BTBD1: variants seen among roughly 807,000 people sequenced by gnomAD.
BTBD1 encodes the protein BTB/POZ domain-containing protein 1.
In BTBD1, 34 loss-of-function variants were observed where a neutral mutation model predicts 48.0. That is an observed-to-expected ratio of 0.71 (90% CI 0.54 to 0.94). BTBD1 has a LOEUF of 0.94. BTBD1 is among the 40% of genes least tolerant of loss of function. BTBD1 has a pLI of 0.00. For missense variants in BTBD1, 543 were observed against 625.6 expected, an observed-to-expected ratio of 0.87 and a Z score of 1.41; for synonymous variants, 261 against 242.1, an observed-to-expected ratio of 1.08 and a Z score of -0.72.
At chr15:83,021,266 T>C (rs1264879484) in intron 5 of BTBD1, among the ~76,000 whole-genome samples, 1 of 152,156 alleles carries the variant, frequency 6.6e-6, no homozygotes, top group Non-Finnish European at 1.5e-5. Flanking sequence ...AATAAATAAA[T>C]AATTACAAAT....
intron 1 of BTBD1, among the ~76,000 whole-genome samples, chr15:83,063,934 T>C (rs1431225111): frequency 6.6e-6 from 1 of 152,240 alleles, no homozygotes; most frequent in Non-Finnish European, 1.5e-5. Flanking sequence ...TACTAGATTA[T>C]GTGCTTCATG....
chr15:83,065,877 A>G (rs1482068487), intron 1 of BTBD1, among the ~76,000 whole-genome samples: 1 of 152,222 alleles, frequency 6.6e-6, no homozygotes, highest in Non-Finnish European at 1.5e-5. Flanking sequence ...GGAGGGATTC[A>G]TTTATAAGCA....
intron 2 of BTBD1, among the ~76,000 whole-genome samples, chr15:83,050,647 A>G (rs2032964759): frequency 6.6e-6 from 1 of 152,126 alleles, no homozygotes; most frequent in South Asian, 2.1e-4. Context: ...ACTAATTATA[A>G]TATCAATTGT....
rs1009252367 is a variant in BTBD1 at position 83,044,527 on chromosome 15, T to C, written c.665-2602A>G. ...ACTTGTGATGGCAAAAACCTCACCATAAAAACCGAGAGCACTTTGAAAACA... is the reference window on the plus strand; with the variant it reads ...ACTTGTGATGGCAAAAACCTCACCACAAAAACCGAGAGCACTTTGAAAACA... On this transcript the variant is annotated intron_variant, in intron 3 of 7. Coordinates refer to ENST00000261721, the MANE Select transcript of BTBD1 (RefSeq NM_025238.4). 6.3e-6 allele frequency: 10 copies of C among 1,591,398 alleles called. No homozygotes were observed. In the African/African-American group the frequency reaches 8.1e-5, roughly 13 times the overall value.
At chr15:83,030,499 A>G in intron 4 of BTBD1, 171 bp from the exon 5 acceptor site, 1 of 588,534 alleles carries the variant, frequency 1.7e-6, no homozygotes, top group Non-Finnish European at 3.0e-6. Flanking sequence ...AATCCATTTG[A>G]GGTTAAACAC....
intron 3 of BTBD1, among the ~76,000 whole-genome samples, chr15:83,049,539 A>G (rs2032938391): frequency 6.6e-6 from 1 of 152,106 alleles, no homozygotes; most frequent in East Asian, 1.9e-4. Context: ...TACTTTCTAC[A>G]TATCTAATTT....
At chr15:83,049,997 C>A in intron 3 of BTBD1, 76 bp downstream of exon 3, 2 of 804,558 alleles carry the variant, frequency 2.5e-6, no homozygotes, top group South Asian at 2.0e-5. Context: ...TAAAAATAGC[C>A]CCTTCTCCAA....
At chr15:83,046,332 A>T (rs74362141) in intron 3 of BTBD1, among the ~76,000 whole-genome samples, 1 of 152,252 alleles carries the variant, frequency 6.6e-6, no homozygotes, top group African/African-American at 2.4e-5. Flanking sequence ...TCTATGGGGT[A>T]GAAAGACAAA....
chr15:83,043,565 G>T (rs2032809875), intron 3 of BTBD1, among the ~76,000 whole-genome samples: 1 of 152,164 alleles, frequency 6.6e-6, no homozygotes, highest in Non-Finnish European at 1.5e-5. Context: ...CATCGATCCA[G>T]GTCAGGGATG....
chr15:83,026,517 C>CTTT (rs563990083), intron 5 of BTBD1, among the ~76,000 whole-genome samples: 47 of 88,264 alleles, frequency 5.3e-4, no homozygotes, highest in East Asian at 1.1e-3. Context: ...TTTTTTAGTG[C>CTTT]TTTTTTTTTT....
intron 6 of BTBD1, among the ~76,000 whole-genome samples, chr15:83,019,881 A>G (rs62010164): frequency 0.19 from 28,681 of 148,006 alleles, 2,955 homozygotes; most frequent in Non-Finnish European, 0.22. Context: ...GAGGCAGGAG[A>G]ATTGTGTGAA....
chr15:83,030,395 TTAACG>T, intron 4 of BTBD1, 67 bp from the exon 5 acceptor site: 1 of 1,325,490 alleles, frequency 7.5e-7, no homozygotes, highest in Non-Finnish European at 1.1e-6. Flanking sequence ...TGGAATTCAC[TTAACG>T]TAAATTCAAA....
chr15:83,047,728 A>G lies in BTBD1; in HGVS notation c.664+2345T>C, dbSNP rs144874180. 9.4e-3 allele frequency among the ~76,000 whole-genome samples: 1,425 copies of G among 152,328 alleles called. 14 individuals carry two copies. The highest frequency in any genetic ancestry group is 0.037 in the Middle Eastern group (11 of 294). On this transcript the variant is annotated intron_variant, in intron 3 of 7. Transcript: ENST00000261721. The stretch of plus-strand genomic sequence containing the variant: ...AACAAGAACGAACTACCTATTGACT[A>G]TAATACTCCCTTGGTCTGTTATATG...
At chr15:83,055,289 CCT>C (rs1025852606) in intron 2 of BTBD1, among the ~76,000 whole-genome samples, 6 of 152,066 alleles carry the variant, frequency 3.9e-5, no homozygotes, top group Non-Finnish European at 8.8e-5. Context: ...ACAGCGTTTC[CCT>C]CTGTCACCCA....
At chr15:83,065,586 G>A (rs2033252798) in intron 1 of BTBD1, among the ~76,000 whole-genome samples, 1 of 152,154 alleles carries the variant, frequency 6.6e-6, no homozygotes, top group African/African-American at 2.4e-5. Context: ...CCAAGACTCT[G>A]CCATTTTAAT....
At chr15:83,027,028 G>A (rs1339300806) in intron 5 of BTBD1, among the ~76,000 whole-genome samples, 2 of 151,830 alleles carry the variant, frequency 1.3e-5, no homozygotes, top group African/African-American at 2.4e-5. Flanking sequence ...ACATATACAC[G>A]CCTCGCATAG....
intron 2 of BTBD1, among the ~76,000 whole-genome samples, chr15:83,051,697 G>T (rs980955894): frequency 3.2e-4 from 48 of 150,918 alleles, no homozygotes; most frequent in Non-Finnish European, 2.5e-4. Flanking sequence ...TTTTCATTTG[G>T]AATTTCCTTA....
intron 1 of BTBD1, among the ~76,000 whole-genome samples, chr15:83,060,524 T>C (rs1489901520): frequency 6.7e-6 from 1 of 150,312 alleles, no homozygotes; most frequent in Non-Finnish European, 1.5e-5. Context: ...CCGGGCACGG[T>C]AGCTCACACC....
At chr15:83,030,489 A>T (rs1409936302) in intron 4 of BTBD1, 161 bp from the exon 5 acceptor site, 1 of 616,482 alleles carries the variant, frequency 1.6e-6, no homozygotes, top group Non-Finnish European at 2.8e-6. Context: ...GGTTTCAATA[A>T]ATCCATTTGA....
Sources: gnomAD v4.1 joint callset for allele counts (sites outside exome capture counted in the v4.1 genomes callset) on GRCh38, gnomAD v4.1.1 for gene constraint, MANE v1.5 for transcripts, NCBI Gene and HGNC (gene_info 2026-07-23, HGNC 2026-07-21) for gene names.